CDK10: variants seen among roughly 807,000 people sequenced by gnomAD.
CDK10 encodes the protein cyclin dependent kinase 10, also known as cyclin-dependent kinase 10.
In CDK10, 55 loss-of-function variants were observed where a neutral mutation model predicts 51.0. The ratio of observed to expected loss-of-function variants is 1.08; its 90% CI spans 0.87 to 1.35. CDK10 has a LOEUF of 1.35. Among genes scored for constraint, CDK10 ranks in the 40% most tolerant of loss-of-function variants. CDK10 has a pLI of 0.00. For synonymous variants in CDK10, 255 were observed against 199.1 expected (o/e 1.28, Z -2.36); for missense variants, 589 against 485.1 (o/e 1.21, Z -2.01).
rs2060463243 is a variant in CDK10 at position 89,691,805 on chromosome 16, G to T, written c.336-1G>T. 6.2e-7 allele frequency: 1 copy of T among 1,613,670 alleles called. No individual in the cohort carries two copies. Among genetic ancestry groups the T allele is most frequent in the Non-Finnish European group, 8.5e-7 (1 of 1,179,800 alleles). On this transcript the variant is annotated splice_acceptor_variant, in intron 4 of 12. Coordinates refer to ENST00000353379, the MANE Select transcript of CDK10 (RefSeq NM_052988.5). LOFTEE classifies it high-confidence loss of function. The stretch of plus-strand genomic sequence containing the variant: ...TGGCATGCATCTTCTGTTTCTTCCA[G>T]CATCTTCCTGGTGATGGGTTACTGT...
In CDK10 at chr16:89,691,437, C is replaced by A; in HGVS notation, c.233-6C>A. On this transcript the variant is annotated splice_polypyrimidine_tract_variant and splice_region_variant and intron_variant, in intron 3 of 12. Transcript: ENST00000353379. ...TGGGGCTCGCTGAGGCCACCTCCCT[C>A]CCCAGGCATCCCCATCAGCAGCTTG... 6.3e-7 allele frequency: 1 copy of A among 1,598,574 alleles called. No homozygotes were observed. Among genetic ancestry groups the A allele is most frequent in the Non-Finnish European group, 8.5e-7 (1 of 1,170,954 alleles).
At position 89,695,327 on chromosome 16, in the gene CDK10, T is replaced by A. The variant is rs755140395; in HGVS notation, c.967T>A (p.Phe323Ile). The A allele has an allele frequency of 6.8e-6, 11 of 1,612,472 alleles. No homozygotes were observed. Among genetic ancestry groups the A allele is most frequent in the Non-Finnish European group, 9.3e-6 (11 of 1,179,062 alleles). Residue 323 changes from phenylalanine to isoleucine, a missense_variant, in exon 12 of 13, where the codon TTC (phenylalanine) becomes ATC (isoleucine). Phe to Ile is a conservative substitution (Grantham distance 21). Coordinates refer to ENST00000353379, the MANE Select transcript of CDK10 (RefSeq NM_052988.5). ...CGGGGACTGCCTGGAGAGCTCCTAT[T>A]TCAAGGAGAAGCCCCTACGTGAGTG... is the stretch of plus-strand genomic sequence containing the variant. ...TAGDCLESSY[F>I]KEKPLPCEPE...
In CDK10 at chr16:89,694,795, G is replaced by T; in HGVS notation, c.792+7G>T. 1 of 1,557,226 alleles carries T rather than the reference G, an allele frequency of 6.4e-7. No individual in the cohort carries two copies. On this transcript the variant is annotated splice_region_variant and intron_variant, in intron 10 of 12. Coordinates refer to ENST00000353379, the MANE Select transcript of CDK10 (RefSeq NM_052988.5). ...CAGTGAGAACATCTGGCCGGTGGGCGTCCTGGGCAGACCCGCAGCCCCCGC... is the reference window on the plus strand; with the variant it reads ...CAGTGAGAACATCTGGCCGGTGGGCTTCCTGGGCAGACCCGCAGCCCCCGC...
At position 89,693,654 on chromosome 16, in the gene CDK10, G is replaced by C. The variant is rs532487092; in HGVS notation, c.608+187G>C. ...GCAGGGCTGTGCCACAAAATGGTGA[G>C]AGACGGGCTCAGTGGCGTCAAGGGC... On this transcript the variant is annotated intron_variant, in intron 8 of 12. Transcript: ENST00000353379. The C allele has an allele frequency of 8.0e-6, 5 of 622,316 alleles. No individual in the cohort carries two copies. In the African/African-American group the frequency reaches 9.2e-5, roughly 11 times the overall value. 38.5% of individuals were successfully genotyped at this position (622,316 alleles called of 1,614,324 possible).
chr16:89,694,863 ACGCCCTCTGCGCCCGCAGCCCCCG>A (rs1567525225), intron 10 of CDK10, 44 bp from the exon 11 acceptor site: 6 of 1,492,744 alleles, frequency 4.0e-6, no homozygotes, highest in Non-Finnish European at 4.5e-6. Flanking sequence ...GCCCGTGCCC[ACGCCCTCTGCGCCCGCAGCCCCCG>A]CCCGTGCCCA....
rs773536265 is a variant in CDK10, at chr16:89,695,755, G to A, written c.*63G>A. 1.3e-6 allele frequency: 2 copies of A among 1,589,064 alleles called. No homozygotes were observed. Among genetic ancestry groups the A allele is most frequent in the East Asian group, 2.3e-5 (1 of 44,022 alleles). On this transcript the variant is annotated 3_prime_UTR_variant, in exon 13 of 13. Coordinates refer to ENST00000353379, the MANE Select transcript of CDK10 (RefSeq NM_052988.5). ...TCTTCCGATCAGTGGTGTCTGTGAA[G>A]GGTGCCGCGAGCCAGGCTGACCAGG...
Position 89,691,473 on chromosome 16 carries a change from CGCT to C in CDK10, c.270_272del (p.Leu91del), listed in dbSNP as rs1567516175. On this transcript the variant is annotated inframe_deletion, in exon 4 of 13. Transcript: ENST00000353379. Reference sequence around the variant, plus strand: ...CCCATCAGCAGCTTGCGGGAGATCACGCTGCTGCTCCGCCTGCGTCATCCGAAC... The same window carrying C: ...CCCATCAGCAGCTTGCGGGAGATCACGCTGCTCCGCCTGCGTCATCCGAAC... The C allele has an allele frequency of 1.2e-6, 2 of 1,613,236 alleles. No homozygotes were observed. Among genetic ancestry groups the C allele is most frequent in the South Asian group, 2.2e-5 (2 of 90,966 alleles).
rs367840282 is a variant in CDK10, at chr16:89,693,416, G to A, written c.557G>A (p.Arg186Gln). ...GCTGCAGCGGATTTCGGCCTGGCCC[G>A]GGCCTATGGTGTCCCAGTAAAGCCA... ...CVKTADFGLA[R>Q]AYGVPVKPMT... The change falls in exon 8 of 13, where the codon CGG (arginine) becomes CAG (glutamine). Residue 186 changes from arginine to glutamine, a missense_variant. Transcript: ENST00000353379. The A allele has an allele frequency of 2.4e-5, 38 of 1,614,054 alleles. No individual in the cohort carries two copies. Among genetic ancestry groups the A allele is most frequent in the Admixed American group, 1.0e-4 (6 of 60,004 alleles).
At chr16:89,695,118 C>A in intron 11 of CDK10, 48 bp downstream of exon 11, 1 of 1,581,216 alleles carries the variant, frequency 6.3e-7, no homozygotes, top group South Asian at 1.1e-5. Context: ...CCCACACTGT[C>A]CAGACCGTTT....
At position 89,695,934 on chromosome 16, in the gene CDK10, C is replaced by G. The variant is rs2060703709; in HGVS notation, c.*242C>G. On this transcript the variant is annotated 3_prime_UTR_variant, in exon 13 of 13. Coordinates refer to ENST00000353379, the MANE Select transcript of CDK10 (RefSeq NM_052988.5). ...CCCTGGAAGGGCAGGTCTGGCGGCT[C>G]CATCCGTGGCTGCAGGGGTCTCATG... 1 of 741,526 alleles carries G rather than the reference C, an allele frequency of 1.3e-6. No individual in the cohort carries two copies. Among genetic ancestry groups the G allele is most frequent in the Non-Finnish European group, 2.2e-6 (1 of 446,784 alleles). The allele number at this position is 741,526 out of a possible 1,614,324, so 45.9% of individuals were successfully genotyped here.
At chr16:89,688,141 G>C (rs1049491971) in intron 1 of CDK10, among the ~76,000 whole-genome samples, 3 of 147,684 alleles carry the variant, frequency 2.0e-5, no homozygotes, top group Admixed American at 6.9e-5. Flanking sequence ...GAGTGCAGTG[G>C]CGCAGTCTCG....
Position 89,694,780 on chromosome 16 carries a change from A to C in CDK10, c.784A>C (p.Ile262Leu), listed in dbSNP as rs1344613995. The C allele has an allele frequency of 1.3e-6, 2 of 1,561,076 alleles. No homozygotes were observed. The highest frequency in any genetic ancestry group is 1.7e-6 in the Non-Finnish European group (2 of 1,154,548). Residue 262 changes from isoleucine (I) to leucine (L), a missense_variant, in exon 10 of 13, where the codon ATC becomes CTC. By Grantham distance (5) the Ile-to-Leu change is conservative. Coordinates refer to ENST00000353379, the MANE Select transcript of CDK10 (RefSeq NM_052988.5). Reference sequence around the variant, plus strand: ...GCTGCTGGGCACGCCCAGTGAGAACATCTGGCCGGTGGGCGTCCTGGGCAG... The same window carrying C: ...GCTGCTGGGCACGCCCAGTGAGAACCTCTGGCCGGTGGGCGTCCTGGGCAG... ...VQLLGTPSENIWPGFSKLPLV... is the reference protein window; with the variant it reads ...VQLLGTPSENLWPGFSKLPLV...
chr16:89,686,739 A>G lies in CDK10; in HGVS notation c.29A>G (p.Gln10Arg), dbSNP rs373513801. Residue 10 changes from glutamine (Q) to arginine (R), a missense_variant, in exon 1 of 13, where the codon CAG becomes CGG. By Grantham distance (43) the Gln-to-Arg change is conservative. Coordinates refer to ENST00000353379, the MANE Select transcript of CDK10 (RefSeq NM_052988.5). ...GCGGAGCCAGATCTGGAGTGCGAGCAGATCCGTCTGAAGTGTATTCGTAAG... is the reference window on the plus strand; with the variant it reads ...GCGGAGCCAGATCTGGAGTGCGAGCGGATCCGTCTGAAGTGTATTCGTAAG... Reference protein sequence around the residue: MAEPDLECEQIRLKCIRKEG... With the variant: MAEPDLECERIRLKCIRKEG... 20 of 1,611,556 alleles carry G rather than the reference A, an allele frequency of 1.2e-5. No homozygotes were observed. Among genetic ancestry groups the G allele is most frequent in the African/African-American group, 9.4e-5 (7 of 74,864 alleles).
Position 89,694,231 on chromosome 16 carries a change from T to C in CDK10, c.667T>C (p.Trp223Arg). ...TTTQTTSIDM[W>R]AVGCILAELL... is the part of the protein sequence containing the mutation. ...CACGCAGACCACCAGCATCGACATG[T>C]GGTGAGGAGATACGGTTACCGCTCC... The change falls in exon 9 of 13, where the codon TGG (tryptophan) becomes CGG (arginine). Residue 223 changes from tryptophan (W) to arginine (R), a missense_variant and splice_region_variant. Transcript: ENST00000353379. 6.2e-7 allele frequency: 1 copy of C among 1,613,688 alleles called. No homozygotes were observed. The highest frequency in any genetic ancestry group is 8.5e-7 in the Non-Finnish European group (1 of 1,179,812).
intron 5 of CDK10, chr16:89,692,210 T>C: frequency 3.8e-6 from 2 of 532,326 alleles, no homozygotes; most frequent in South Asian, 4.8e-5. Flanking sequence ...GAGAGCCTTC[T>C]GAGGGCACTG....
intron 5 of CDK10, chr16:89,692,116 C>A: frequency 1.7e-6 from 1 of 589,854 alleles, no homozygotes; most frequent in Non-Finnish European, 3.0e-6. Context: ...GTTTCCTGGG[C>A]TGTTGGGAGC....
Position 89,687,765 on chromosome 16 carries a change from G to A in CDK10, c.87+968G>A. Reference sequence around the variant, plus strand: ...TCTTTGAGTTCAGGAAGTGTGACAAGGATTTGGACACCCAGAAATAAGCGT... The same window carrying A: ...TCTTTGAGTTCAGGAAGTGTGACAAAGATTTGGACACCCAGAAATAAGCGT... On this transcript the variant is annotated intron_variant, in intron 1 of 12. Transcript: ENST00000353379. 3 of 359,252 alleles carry A rather than the reference G, an allele frequency of 8.4e-6. No homozygotes were observed. In the East Asian group the frequency reaches 2.3e-4, roughly 27 times the overall value. 22.3% of individuals were successfully genotyped at this position (359,252 alleles called of 1,614,324 possible).
chr16:89,690,585 G>A lies in CDK10; in HGVS notation c.193G>A (p.Val65Ile), dbSNP rs2060400364. Residue 65 changes from valine (V) to isoleucine (I), a missense_variant, in exon 3 of 13, where the codon GTC (valine) becomes ATC (isoleucine). Transcript: ENST00000353379. ...RARDTQTDEI[V>I]ALKKVRMDKE... is the part of the protein sequence containing the mutation. The stretch of plus-strand genomic sequence containing the variant: ...CCGGGACACCCAGACAGATGAGATT[G>A]TCGCACTGAAGAAGGTGCGGATGGA... 5 of 1,614,060 alleles carry A rather than the reference G, an allele frequency of 3.1e-6. No individual in the cohort carries two copies. In the South Asian group the frequency reaches 5.5e-5, roughly 18 times the overall value.
chr16:89,693,528 T>TG (rs372103495), intron 8 of CDK10, 61 bp downstream of exon 8: 1 of 1,547,130 alleles, frequency 6.5e-7, no homozygotes. Context: ...GAGGTCTCCT[T>TG]GGGGATGTCA....
Sources: gnomAD v4.1 joint callset for allele counts (sites outside exome capture counted in the v4.1 genomes callset) on GRCh38, gnomAD v4.1.1 for gene constraint, MANE v1.5 for transcripts, NCBI Gene and HGNC (gene_info 2026-07-23, HGNC 2026-07-21) for gene names.